Variants in TUT7 observed in about 807,000 individuals in gnomAD.
TUT7 encodes terminal uridylyltransferase 7.
TUT7 carries 33 observed loss-of-function variants against 165.9 expected under a neutral mutation model. That is an observed-to-expected ratio of 0.20 (90% CI 0.15 to 0.27). The LOEUF is 0.27. TUT7 is among the 10% of genes least tolerant of loss of function. The pLI is 1.00. For synonymous variants in TUT7, 552 were observed against 608.1 expected (o/e 0.91, Z 1.36); for missense variants, 1,338 against 1,762.3 (o/e 0.76, Z 4.31).
In TUT7 at chr9:86,343,135, G is replaced by A. The variant is rs1831458459; in HGVS notation, c.1026C>T (p.Ser342=). The A allele has an allele frequency of 6.3e-7, 1 of 1,596,744 alleles. No homozygotes were observed. The highest frequency in any genetic ancestry group is 1.3e-5 in the African/African-American group (1 of 74,174). Reference sequence around the variant, plus strand: ...AATTTTTGAAACCCAATCTGCTACAGGATGACCCATATAATCTTAGGGAAC... The same window carrying A: ...AATTTTTGAAACCCAATCTGCTACAAGATGACCCATATAATCTTAGGGAAC... ...PDCSLRLYGS[S]CSRLGFKNSD... The change falls in exon 6 of 27, where the codon TCC becomes TCT. Residue 342 remains serine, a synonymous_variant. Coordinates refer to ENST00000375963, the MANE Select transcript of TUT7 (RefSeq NM_024617.4).
At chr9:86,316,603 G>T (rs1828742844) in intron 17 of TUT7, among the ~76,000 whole-genome samples, 1 of 152,168 alleles carries the variant, frequency 6.6e-6, no homozygotes, top group Admixed American at 6.5e-5. Context: ...AAAGGAAAAG[G>T]ATTTATAGCC....
In TUT7 at chr9:86,301,549, T is replaced by G; in HGVS notation, c.4147A>C (p.Asn1383His). Residue 1383 changes from asparagine (N) to histidine (H), a missense_variant, in exon 26 of 27, where the codon AAC (asparagine) becomes CAC (histidine). Asn to His is a moderately conservative substitution (Grantham distance 68, BLOSUM62 1). Around this residue, in one of 7 missense-constraint regions of TUT7, gnomAD observed 167 missense variants for 204.9 expected, o/e 0.82. Coordinates refer to ENST00000375963, the MANE Select transcript of TUT7 (RefSeq NM_024617.4). ...EDALNQRYPE[N>H]KEKRSKEDKE... ...TCCTCTTTGCTTCTTTTTTCCTTGT[T>G]CTCAGGGTATCTTTGGTTCAGGGCA... The G allele has an allele frequency of 1.2e-6, 2 of 1,614,092 alleles. No individual in the cohort carries two copies. The highest frequency in any genetic ancestry group is 1.7e-6 in the Non-Finnish European group (2 of 1,180,020).
intron 11 of TUT7, 24 bp from the exon 12 acceptor site, chr9:86,325,538 A>T (rs1177255662): frequency 2.5e-6 from 4 of 1,594,144 alleles, no homozygotes. Context: ...AGAGAAACAT[A>T]CAGGTTATTT....
At chr9:86,334,126 A>T (rs1043591970) in intron 10 of TUT7, among the ~76,000 whole-genome samples, 14 of 151,952 alleles carry the variant, frequency 9.2e-5, no homozygotes, top group African/African-American at 3.4e-4. Context: ...TGAGAAAGGA[A>T]GGCTGGAGCA....
intron 8 of TUT7, 172 bp downstream of exon 8, chr9:86,339,864 T>C (rs535574912): frequency 9.3e-5 from 45 of 481,394 alleles, no homozygotes; most frequent in African/African-American, 8.1e-4. Flanking sequence ...AAAATGAGAT[T>C]TTCCCCTTTT....
intron 10 of TUT7, among the ~76,000 whole-genome samples, chr9:86,335,030 A>T (rs1232900828): frequency 2.0e-5 from 3 of 152,204 alleles, no homozygotes; most frequent in Non-Finnish European, 1.5e-5. Context: ...TATTTGCAGA[A>T]GGATCACTTG....
At chr9:86,309,386 A>G (rs564418660) in intron 20 of TUT7, 77 bp downstream of exon 20, 58 of 1,468,518 alleles carry the variant, frequency 3.9e-5, no homozygotes, top group South Asian at 2.0e-4. Context: ...CTACAGAACC[A>G]CAGAATTTTA....
intron 10 of TUT7, among the ~76,000 whole-genome samples, chr9:86,329,026 AAGAACT>A (rs1830065922): frequency 6.6e-6 from 1 of 152,230 alleles, no homozygotes; most frequent in African/African-American, 2.4e-5. Flanking sequence ...TGAAAATTAC[AAGAACT>A]AGATCCAGCT....
At chr9:86,340,646 T>A (rs1001966121) in intron 7 of TUT7, among the ~76,000 whole-genome samples, 1 of 152,250 alleles carries the variant, frequency 6.6e-6, no homozygotes, top group African/African-American at 2.4e-5. Context: ...GGGTTACACC[T>A]ATTCACTGTT....
At chr9:86,341,113 T>A in intron 6 of TUT7, 60 bp from the exon 7 acceptor site, 1 of 1,433,944 alleles carries the variant, frequency 7.0e-7, no homozygotes, top group Admixed American at 1.8e-5. Flanking sequence ...TTCACTGATA[T>A]AAGAGTCATC....
In TUT7 at chr9:86,301,373, C is replaced by T; in HGVS notation, c.4323G>A (p.Lys1441=). The change falls in exon 26 of 27, where the codon AAG becomes AAA. Residue 1441 remains lysine (K), a synonymous_variant. Transcript: ENST00000375963. ...KILRPPVEKW[K]RQDDKDLREK... ...CTCTTAAGTCTTTGTCATCCTGTCT[C>T]TTCCATTTTTCTACTGGTGGCCTGA... 1 of 1,614,144 alleles carries T rather than the reference C, an allele frequency of 6.2e-7. No individual in the cohort carries two copies. The highest frequency in any genetic ancestry group is 8.5e-7 in the Non-Finnish European group (1 of 1,180,026).
chr9:86,309,863 G>A lies in TUT7; in HGVS notation c.3468+65C>T, dbSNP rs548233051. 138 of 1,427,124 alleles carry A rather than the reference G, an allele frequency of 9.7e-5. No homozygotes were observed. In the African/African-American group the frequency reaches 1.6e-3, roughly 17 times the overall value. The allele number at this position is 1,427,124 out of a possible 1,614,324, so 88.4% of individuals were successfully genotyped here. On this transcript the variant is annotated intron_variant, in intron 19 of 26. Transcript: ENST00000375963. Reference sequence around the variant, plus strand: ...ACAGTTCATTAAAAAATAGATTTATGTTTTCAACAGTGTTTAAAGATGCAA... The same window carrying A: ...ACAGTTCATTAAAAAATAGATTTATATTTTCAACAGTGTTTAAAGATGCAA...
chr9:86,322,935 A>C lies in TUT7; in HGVS notation c.2815T>G (p.Ser939Ala). The C allele has an allele frequency of 6.6e-7, 1 of 1,522,454 alleles. No homozygotes were observed. Among genetic ancestry groups the C allele is most frequent in the Non-Finnish European group, 8.8e-7 (1 of 1,131,198 alleles). The allele number at this position is 1,522,454 out of a possible 1,614,324, so 94.3% of individuals were successfully genotyped here. ...KEENVCEEKN[S>A]PVDQSDFFYE... ...AAAAAATCAGACTGATCCACAGGTG[A>C]ATTTTTTTCTTCACATACATTTTCT... is the stretch of plus-strand genomic sequence containing the variant. The change falls in exon 13 of 27, where the codon TCA becomes GCA. Residue 939 changes from serine to alanine, a missense_variant. Physicochemically the swap from Ser to Ala is moderately conservative, Grantham distance 99. Transcript: ENST00000375963.
intron 17 of TUT7, among the ~76,000 whole-genome samples, 162 bp from the exon 18 acceptor site, chr9:86,310,971 G>A (rs1425878228): frequency 6.6e-6 from 1 of 152,206 alleles, no homozygotes; most frequent in African/African-American, 2.4e-5. Flanking sequence ...AAACATCTGG[G>A]AAGATTAGTC....
chr9:86,309,387 C>A, intron 20 of TUT7, 76 bp downstream of exon 20: 1 of 1,471,270 alleles, frequency 6.8e-7, no homozygotes, highest in African/African-American at 1.4e-5. Flanking sequence ...TACAGAACCA[C>A]AGAATTTTAG....
At position 86,323,955 on chromosome 9, in the gene TUT7, A is replaced by G; in HGVS notation, c.1795T>C (p.Tyr599His). Residue 599 changes from tyrosine to histidine, a missense_variant, in exon 13 of 27, where the codon TAC (tyrosine) becomes CAC (histidine). Around this residue, in one of 7 missense-constraint regions of TUT7, gnomAD observed 28 missense variants for 69.4 expected, o/e 0.40. Coordinates refer to ENST00000375963, the MANE Select transcript of TUT7 (RefSeq NM_024617.4). ...CTTGCCACATTTCTTTTAACAGAGT[A>G]GGGATCTGTAATAAAAAAAAGAAAG... ...PKKRIAIEDPYSVKRNVARTL... is the reference protein window; with the variant it reads ...PKKRIAIEDPHSVKRNVARTL... 6.5e-7 allele frequency: 1 copy of G among 1,548,172 alleles called. No homozygotes were observed.
chr9:86,340,932 G>A, intron 7 of TUT7, 70 bp downstream of exon 7: 1 of 1,237,432 alleles, frequency 8.1e-7, no homozygotes, highest in Non-Finnish European at 1.2e-6. Flanking sequence ...TATTTTCAAA[G>A]TTTGAGAAAT....
intron 18 of TUT7, 129 bp from the exon 19 acceptor site, chr9:86,310,146 T>C (rs1342780844): frequency 1.8e-5 from 12 of 678,762 alleles, no homozygotes; most frequent in Admixed American, 3.0e-5. Context: ...CATGAACTCC[T>C]GGGCTCAAGT....
chr9:86,292,032 T>A (rs1825939588), intron 26 of TUT7, among the ~76,000 whole-genome samples: 2 of 152,120 alleles, frequency 1.3e-5, no homozygotes, highest in Non-Finnish European at 2.9e-5. Flanking sequence ...CAGCACCATA[T>A]AAAAGTTTTA....
Sources: gnomAD v4.1 joint callset for allele counts (sites outside exome capture counted in the v4.1 genomes callset) on GRCh38, gnomAD v4.1.1 for gene constraint, gnomAD v4.1.1 regional missense constraint, MANE v1.5 for transcripts, NCBI Gene and HGNC (gene_info 2026-07-23, HGNC 2026-07-21) for gene names.